ADAM7: variants seen among roughly 807,000 people sequenced by gnomAD.
The protein encoded by ADAM7 is disintegrin and metalloproteinase domain-containing protein 7.
Under a neutral mutation model 102.9 loss-of-function variants are expected in ADAM7, and 97 were observed. The ratio of observed to expected loss-of-function variants is 0.94; its 90% CI spans 0.80 to 1.12. The LOEUF is 1.12. ADAM7 is among the 50% of genes most tolerant of loss of function. The pLI is 0.00. For synonymous variants in ADAM7, 334 were observed against 304.4 expected, an observed-to-expected ratio of 1.10 and a Z score of -1.01; for missense variants, 991 against 908.7, an observed-to-expected ratio of 1.09 and a Z score of -1.16.
At chr8:24,470,010 C>T (rs1017097197) in intron 7 of ADAM7, among the ~76,000 whole-genome samples, 1 of 151,980 alleles carries the variant, frequency 6.6e-6, no homozygotes, top group African/African-American at 2.4e-5. Flanking sequence ...GATTGGATGA[C>T]AGATGACAAA....
intron 2 of ADAM7, among the ~76,000 whole-genome samples, chr8:24,446,289 T>C (rs997603604): frequency 1.3e-5 from 2 of 152,172 alleles, no homozygotes; most frequent in Non-Finnish European, 2.9e-5. Context: ...AGGAAAAATA[T>C]TGATGTGAAT....
Position 24,508,869 on chromosome 8 carries a change from C to T in ADAM7, c.*323C>T, listed in dbSNP as rs1821034165. ...TGTTACTCTGCTTTCTTTTAAGAAT[C>T]CAAACTTTAAGGATGATAACTTACA... On this transcript the variant is annotated 3_prime_UTR_variant, in exon 22 of 22. Coordinates refer to ENST00000175238, the MANE Select transcript of ADAM7 (RefSeq NM_003817.4). The T allele has an allele frequency of 3.4e-6, 4 of 1,168,052 alleles. No homozygotes were observed. The highest frequency in any genetic ancestry group is 4.2e-6 in the Non-Finnish European group (4 of 947,798). 72.4% of individuals were successfully genotyped at this position (1,168,052 alleles called of 1,614,324 possible).
At chr8:24,495,318 T>C (rs554058804) in intron 16 of ADAM7, among the ~76,000 whole-genome samples, 1 of 152,172 alleles carries the variant, frequency 6.6e-6, no homozygotes, top group African/African-American at 2.4e-5. Context: ...GACACATATG[T>C]TGAATTACCT....
At chr8:24,465,663 T>G in intron 4 of ADAM7, 36 bp from the exon 5 acceptor site, 3 of 1,326,904 alleles carry the variant, frequency 2.3e-6, no homozygotes. Context: ...AAATCAATAT[T>G]TATACATATA....
chr8:24,441,373 G>C (rs1335944870), intron 1 of ADAM7, among the ~76,000 whole-genome samples: 1 of 152,218 alleles, frequency 6.6e-6, no homozygotes, highest in African/African-American at 2.4e-5. Context: ...GAGGAGAAAG[G>C]AGTGGACAAG....
intron 8 of ADAM7, among the ~76,000 whole-genome samples, chr8:24,479,797 G>A (rs1202122617): frequency 6.6e-5 from 10 of 152,204 alleles, no homozygotes. Flanking sequence ...CACAAGGAAG[G>A]TGCTCTGGCA....
intron 8 of ADAM7, among the ~76,000 whole-genome samples, chr8:24,477,313 G>A (rs554363099): frequency 1.3e-5 from 2 of 152,220 alleles, no homozygotes; most frequent in South Asian, 2.1e-4. Context: ...CACTTCAGTG[G>A]AAATTATGCT....
intron 9 of ADAM7, among the ~76,000 whole-genome samples, chr8:24,484,752 TTG>T (rs960291355): frequency 7.2e-5 from 11 of 151,976 alleles, no homozygotes; most frequent in Non-Finnish European, 1.3e-4. Context: ...TTGTATTTTT[TTG>T]TTTTTTGTTT....
intron 3 of ADAM7, among the ~76,000 whole-genome samples, chr8:24,458,161 G>A (rs920103950): frequency 1.3e-5 from 2 of 152,002 alleles, no homozygotes; most frequent in Non-Finnish European, 2.9e-5. Flanking sequence ...ATTTATTCTA[G>A]GTCCTTTGCA....
intron 3 of ADAM7, among the ~76,000 whole-genome samples, chr8:24,453,418 T>G (rs980073750): frequency 6.6e-6 from 1 of 152,158 alleles, no homozygotes; most frequent in African/African-American, 2.4e-5. Flanking sequence ...CCATCACTGA[T>G]ACCCTTTCTT....
chr8:24,459,045 C>T lies in ADAM7; in HGVS notation c.234-4837C>T, dbSNP rs141632634. Among the ~76,000 whole-genome samples, 571 of 151,810 alleles carry T rather than the reference C, an allele frequency of 3.8e-3. 3 individuals are homozygous for T. The highest frequency in any genetic ancestry group is 0.013 in the African/African-American group (547 of 41,462). On this transcript the variant is annotated intron_variant, in intron 3 of 21. Transcript: ENST00000175238. ...TTTGATGATAGATTATGTTGTGCTT[C>T]TGAGTTGGGAAATATTCTCTCCTGT...
At chr8:24,489,114 G>T (rs746988264) in intron 11 of ADAM7, 45 bp from the exon 12 acceptor site, 1 of 1,539,052 alleles carries the variant, frequency 6.5e-7, no homozygotes, top group South Asian at 1.2e-5. Context: ...GTACCACTAT[G>T]CATTGATATG....
chr8:24,504,443 TA>T (rs111924572), intron 20 of ADAM7, among the ~76,000 whole-genome samples: 62,092 of 149,422 alleles, frequency 0.42, 13,593 homozygotes, highest in African/African-American at 0.54. Flanking sequence ...GCATTAGCTT[TA>T]AAAAAAAAAA....
rs1819438223 is a variant in ADAM7, at chr8:24,466,722, T to A, written c.390-77T>A. The A allele has an allele frequency of 2.9e-6, 4 of 1,399,970 alleles. No individual in the cohort carries two copies. In the East Asian group the frequency reaches 9.2e-5, roughly 32 times the overall value. 86.7% of individuals were successfully genotyped at this position (1,399,970 alleles called of 1,614,324 possible). ...GCACTGGCTTTGTGGTTTCTCTTTC[T>A]TGAAAAGGCAAAGTCAATACAATGA... On this transcript the variant is annotated intron_variant, in intron 5 of 21. Coordinates refer to ENST00000175238, the MANE Select transcript of ADAM7 (RefSeq NM_003817.4).
chr8:24,461,454 A>G (rs1300414670), intron 3 of ADAM7, among the ~76,000 whole-genome samples: 2 of 151,972 alleles, frequency 1.3e-5, no homozygotes, highest in Non-Finnish European at 2.9e-5. Flanking sequence ...TTTATTTCTG[A>G]TACTCTGCAA....
chr8:24,476,490 A>G lies in ADAM7; in HGVS notation c.691A>G (p.Asn231Asp). The G allele has an allele frequency of 1.2e-6, 2 of 1,608,280 alleles. No individual in the cohort carries two copies. Among genetic ancestry groups the G allele is most frequent in the Admixed American group, 1.7e-5 (1 of 59,882 alleles). ...KLRNRIWGMV[N>D]FVNMIYKTLN... Reference sequence around the variant, plus strand: ...AAGGAACCGAATTTGGGGAATGGTCAATTTTGTCAACATGGTAAGATTTGA... The same window carrying G: ...AAGGAACCGAATTTGGGGAATGGTCGATTTTGTCAACATGGTAAGATTTGA... Residue 231 changes from asparagine to aspartate, a missense_variant, in exon 8 of 22, where the codon AAT becomes GAT. Asn to Asp is a conservative substitution (Grantham distance 23). Transcript: ENST00000175238.
At position 24,490,806 on chromosome 8, in the gene ADAM7, C is replaced by T. The variant is rs376164434; in HGVS notation, c.1274C>T (p.Thr425Ile). Residue 425 changes from threonine to isoleucine, a missense_variant, in exon 13 of 22, where the codon ACT becomes ATT. By Grantham distance (89) the Thr-to-Ile change is moderately conservative. Coordinates refer to ENST00000175238, the MANE Select transcript of ADAM7 (RefSeq NM_003817.4). ...TTTTGTGGTTATTGCCAGGAGTGTACTAATCCTTGCTGTGATGCACACACA... is the reference window on the plus strand; with the variant it reads ...TTTTGTGGTTATTGCCAGGAGTGTATTAATCCTTGCTGTGATGCACACACA... The part of the protein sequence containing the change: ...ECDCGPAQEC[T>I]NPCCDAHTCV... The T allele has an allele frequency of 5.2e-5, 84 of 1,613,442 alleles. No homozygotes were observed. The highest frequency in any genetic ancestry group is 7.0e-5 in the Non-Finnish European group (83 of 1,179,694).
intron 3 of ADAM7, among the ~76,000 whole-genome samples, chr8:24,452,867 A>C (rs1330360695): frequency 2.7e-4 from 41 of 150,744 alleles, no homozygotes; most frequent in South Asian, 2.1e-3. Flanking sequence ...ATCTCTCAGC[A>C]TTTGCTTGTC....
intron 20 of ADAM7, among the ~76,000 whole-genome samples, chr8:24,502,872 G>A (rs1435646223): frequency 1.3e-5 from 2 of 151,796 alleles, no homozygotes; most frequent in Non-Finnish European, 2.9e-5. Context: ...TTTATTTTAT[G>A]AGGCCAATAT....
Sources: allele counts gnomAD v4.1 joint callset (sites outside exome capture counted in the v4.1 genomes callset), GRCh38; gene constraint gnomAD v4.1.1; transcripts MANE v1.5; gene names NCBI Gene and HGNC (gene_info 2026-07-23, HGNC 2026-07-21).